Variants in DDX52 observed in about 807,000 individuals in gnomAD.
DDX52 encodes DExD-box helicase 52.
In DDX52, 59 loss-of-function variants were observed where a neutral mutation model predicts 76.1. The observed-to-expected ratio is 0.78, with a 90% CI of 0.63 to 0.96. DDX52 has a LOEUF of 0.96. Among genes scored for constraint, DDX52 ranks in the 40% least tolerant of loss-of-function variants. The probability of loss-of-function intolerance (pLI) is 0.00; values close to 1 mark genes in which losing one functional copy is unlikely to be tolerated. For synonymous variants in DDX52, 231 were observed against 244.1 expected (o/e 0.95, Z 0.50); for missense variants, 707 against 703.9 (o/e 1.00, Z -0.05).
At position 37,624,368 on chromosome 17, in the gene DDX52, CAGA is replaced by C; in HGVS notation, c.1200_1202del (p.Leu401del). ...CCTTTTTAACAAGTTCTCTCACGGC[CAGA>C]AGTTTTCCGGTCTCAGATCCAACAA... On this transcript the variant is annotated inframe_deletion, in exon 9 of 15. Coordinates refer to ENST00000617633, the MANE Select transcript of DDX52 (RefSeq NM_007010.5). 1.2e-6 allele frequency: 2 copies of C among 1,608,382 alleles called. No individual in the cohort carries two copies. The highest frequency in any genetic ancestry group is 1.7e-6 in the Non-Finnish European group (2 of 1,176,416).
chr17:37,617,035 CTCTTA>C (rs1169187723), intron 14 of DDX52, among the ~76,000 whole-genome samples: 1 of 152,172 alleles, frequency 6.6e-6, no homozygotes, highest in Non-Finnish European at 1.5e-5. Flanking sequence ...AATCATCTTT[CTCTTA>C]TCTCCTATTT....
intron 6 of DDX52, among the ~76,000 whole-genome samples, chr17:37,628,013 AAGCAATCCTCCCACCTCAGCTTCTCCAT>A (rs1418080806): frequency 6.6e-6 from 1 of 152,062 alleles, no homozygotes; most frequent in East Asian, 1.9e-4. Context: ...TCCTGGCCTC[AAGCAATCCTCCCACCTCAGCTTCTCCAT>A]AGCTATAGGT....
intron 13 of DDX52, among the ~76,000 whole-genome samples, chr17:37,619,441 A>G (rs948323168): frequency 1.3e-5 from 2 of 152,168 alleles, no homozygotes; most frequent in Non-Finnish European, 2.9e-5. Context: ...CAAGCCTGTA[A>G]TCCTAGTACT....
chr17:37,626,708 A>C, intron 7 of DDX52, 80 bp downstream of exon 7: 1 of 1,441,828 alleles, frequency 6.9e-7, no homozygotes, highest in African/African-American at 1.4e-5. Context: ...TCCAAAGACA[A>C]AAAATACAAG....
intron 6 of DDX52, 29 bp from the exon 7 acceptor site, chr17:37,626,889 C>G (rs2030410301): frequency 6.3e-7 from 1 of 1,577,798 alleles, no homozygotes; most frequent in African/African-American, 1.4e-5. Flanking sequence ...GTAGAAATTG[C>G]AAAAACAGGA....
chr17:37,641,072 T>C, intron 2 of DDX52, among the ~76,000 whole-genome samples: 1 of 152,018 alleles, frequency 6.6e-6, no homozygotes, highest in Non-Finnish European at 1.5e-5. Flanking sequence ...AGGTGAAATA[T>C]TAATGTCCAG....
At position 37,630,614 on chromosome 17, in the gene DDX52, G is replaced by C. The variant is rs186756901; in HGVS notation, c.604-441C>G. Among the ~76,000 whole-genome samples the C allele has an allele frequency of 4.7e-3, 712 of 151,134 alleles. 6 individuals carry two copies. Among genetic ancestry groups the C allele is most frequent in the Middle Eastern group, 0.038 (11 of 292 alleles). On this transcript the variant is annotated intron_variant, in intron 4 of 14. Transcript: ENST00000617633. ...GACCTGAGGGCAGAGTAATTTACAG[G>C]AGACAATTTTCAAAAACTCACTGTG...
chr17:37,637,413 G>A (rs190813479), intron 2 of DDX52, among the ~76,000 whole-genome samples: 2 of 151,858 alleles, frequency 1.3e-5, no homozygotes, highest in East Asian at 2.0e-4. Flanking sequence ...TTATAGGCAT[G>A]AGCCACTGCT....
chr17:37,624,197 C>T, intron 9 of DDX52, 147 bp downstream of exon 9: 1 of 515,778 alleles, frequency 1.9e-6, no homozygotes, highest in South Asian at 3.5e-5. Context: ...ATAGTTAGCA[C>T]AATGTACTTT....
At chr17:37,616,917 C>CT (rs1427439940) in intron 14 of DDX52, among the ~76,000 whole-genome samples, 1 of 152,180 alleles carries the variant, frequency 6.6e-6, no homozygotes, top group Non-Finnish European at 1.5e-5. Context: ...AAAGCACACT[C>CT]TAATTTTCAT....
At chr17:37,626,731 A>G in intron 7 of DDX52, 57 bp downstream of exon 7, 1 of 1,550,624 alleles carries the variant, frequency 6.4e-7, no homozygotes, top group Non-Finnish European at 8.8e-7. Context: ...ATAGAGGACA[A>G]AATATAATTA....
chr17:37,641,684 C>A (rs566406108), intron 2 of DDX52, among the ~76,000 whole-genome samples: 1 of 152,200 alleles, frequency 6.6e-6, no homozygotes, highest in South Asian at 2.1e-4. Flanking sequence ...TTGCAGTGAG[C>A]CGAGATCGCG....
chr17:37,633,809 T>C (rs2030800612), intron 2 of DDX52, among the ~76,000 whole-genome samples: 1 of 152,148 alleles, frequency 6.6e-6, no homozygotes, highest in African/African-American at 2.4e-5. Flanking sequence ...AGGCAAGTTC[T>C]GTGTTGGTAT....
At chr17:37,617,522 T>C (rs2029875829) in intron 14 of DDX52, among the ~76,000 whole-genome samples, 1 of 152,222 alleles carries the variant, frequency 6.6e-6, no homozygotes, top group South Asian at 2.1e-4. Context: ...AACTATACTT[T>C]AATATTCTCA....
intron 12 of DDX52, 94 bp downstream of exon 12, chr17:37,620,779 C>A: frequency 8.0e-7 from 1 of 1,242,474 alleles, no homozygotes; most frequent in Non-Finnish European, 1.1e-6. Flanking sequence ...GAATTTGGGA[C>A]ATAGCCATTT....
chr17:37,618,264 A>C, intron 14 of DDX52, 28 bp downstream of exon 14: 1 of 1,556,390 alleles, frequency 6.4e-7, no homozygotes, highest in Non-Finnish European at 8.7e-7. Context: ...ATGGTGTCAA[A>C]CAGCCATTTT....
rs768686137 is a variant in DDX52 at position 37,630,023 on chromosome 17, G to A, written c.747+7C>T. The A allele has an allele frequency of 3.1e-6, 5 of 1,607,384 alleles. No individual in the cohort carries two copies. The South Asian group carries it at 3.3e-5, about 11-fold the overall frequency. ...ATCGCATACTCTTCAAAAGCTACAA[G>A]TCATACCTGGCTGGCAAGTTCTCGT... On this transcript the variant is annotated splice_region_variant and intron_variant, in intron 5 of 14. Transcript: ENST00000617633.
In DDX52 at chr17:37,614,205, T is replaced by A. The variant is rs2064398795; in HGVS notation, c.*91A>T. On this transcript the variant is annotated 3_prime_UTR_variant, in exon 15 of 15. Transcript: ENST00000617633. The stretch of plus-strand genomic sequence containing the variant: ...GTTGATTTCAAATGTTTGGTACAGG[T>A]GACTGTAAGACTTCAAGTATTCCAT... 9 of 1,300,728 alleles carry A rather than the reference T, an allele frequency of 6.9e-6. No homozygotes were observed. The highest frequency in any genetic ancestry group is 1.5e-5 in the African/African-American group (1 of 67,590). 80.6% of individuals were successfully genotyped at this position (1,300,728 alleles called of 1,614,324 possible). A position where few individuals can be genotyped will look rare whatever the true frequency, so the allele number is the denominator to read the frequency against.
chr17:37,622,644 T>C (rs986354119), intron 9 of DDX52, among the ~76,000 whole-genome samples: 2 of 152,188 alleles, frequency 1.3e-5, no homozygotes, highest in Non-Finnish European at 2.9e-5. Flanking sequence ...TGGAATCTAA[T>C]GAAAGCTAAG....
Sources: gnomAD v4.1 joint callset for allele counts (sites outside exome capture counted in the v4.1 genomes callset) on GRCh38, gnomAD v4.1.1 for gene constraint, MANE v1.5 for transcripts, NCBI Gene and HGNC (gene_info 2026-07-23, HGNC 2026-07-21) for gene names.